LAMA1: variants seen among roughly 807,000 people sequenced by gnomAD.
LAMA1 encodes the protein laminin subunit alpha 1, also known as laminin subunit alpha-1.
A neutral mutation model predicts 348.7 loss-of-function variants in LAMA1; 219 were observed. That is an observed-to-expected ratio of 0.63 (90% CI 0.56 to 0.70). The LOEUF (loss-of-function observed/expected upper bound fraction) is 0.70. Ranked by LOEUF, LAMA1 falls within the 30% of genes least tolerant of loss-of-function variation. The pLI, the probability that LAMA1 is intolerant of heterozygous loss-of-function variation, is 0.00. For synonymous variants in LAMA1, 1,487 were observed against 1,491.0 expected (o/e 1.00, Z 0.06); for missense variants, 3,744 against 3,888.0 (o/e 0.96, Z 0.99).
Position 7,011,447 on chromosome 18 carries a change from A to G in LAMA1, c.3540T>C (p.Arg1180=), listed in dbSNP as rs1307923263. The change falls in exon 25 of 63, where the codon CGT becomes CGC. Residue 1180 remains arginine, a synonymous_variant. Transcript: ENST00000389658. ...VTLGSDQPLL[R]VVSQSNLRGT... ...CCCTCAAGTTACTCTGAGAAACCAC[A>G]CGCAGAAGAGGCTGATCGGAGCCCA... is the stretch of plus-strand genomic sequence containing the variant. 6.2e-7 allele frequency: 1 copy of G among 1,608,498 alleles called. No individual in the cohort carries two copies. The highest frequency in any genetic ancestry group is 1.3e-5 in the African/African-American group (1 of 75,014).
chr18:6,955,114 G>A, intron 57 of LAMA1: 2 of 547,134 alleles, frequency 3.7e-6, no homozygotes, highest in East Asian at 3.3e-5. Flanking sequence ...ACACAGAAAG[G>A]GGAAGCCAGC....
intron 1 of LAMA1, among the ~76,000 whole-genome samples, chr18:7,100,058 CAAA>C (rs3038921): frequency 3.8e-5 from 3 of 79,704 alleles, no homozygotes; most frequent in African/African-American, 1.4e-4. Flanking sequence ...GACTTTGTCT[CAAA>C]AAAAAAAAAA....
At chr18:6,996,167 A>G (rs2057780296) in intron 33 of LAMA1, among the ~76,000 whole-genome samples, 3 of 152,158 alleles carry the variant, frequency 2.0e-5, no homozygotes, top group Non-Finnish European at 4.4e-5. Flanking sequence ...CATTTTTCAA[A>G]AACACTTTGT....
At chr18:6,989,517 G>GT (rs1294333163) in intron 36 of LAMA1, among the ~76,000 whole-genome samples, 2 of 152,166 alleles carry the variant, frequency 1.3e-5, no homozygotes, top group Non-Finnish European at 2.9e-5. Flanking sequence ...AATAATCCAT[G>GT]TATTTTGAAA....
At chr18:7,085,025 T>C (rs559061388) in intron 1 of LAMA1, among the ~76,000 whole-genome samples, 1 of 152,156 alleles carries the variant, frequency 6.6e-6, no homozygotes, top group East Asian at 1.9e-4. Context: ...AGGTTTTTTT[T>C]CCATTTTGGA....
In LAMA1 at chr18:6,975,039, G is replaced by T. The variant is rs771017428; in HGVS notation, c.6490-3C>A. 12 of 1,613,166 alleles carry T rather than the reference G, an allele frequency of 7.4e-6. No individual in the cohort carries two copies. Among genetic ancestry groups the T allele is most frequent in the South Asian group, 1.1e-5 (1 of 90,980 alleles). ...ATCTCCACTGCAAGGAAATCAGACT[G>T]GGGGGCGAGGAATGAACGGGGATCA... On this transcript the variant is annotated splice_region_variant and splice_polypyrimidine_tract_variant and intron_variant, in intron 45 of 62. Coordinates refer to ENST00000389658, the MANE Select transcript of LAMA1 (RefSeq NM_005559.4).
intron 9 of LAMA1, among the ~76,000 whole-genome samples, chr18:7,041,095 C>G (rs1246508512): frequency 1.3e-5 from 2 of 151,554 alleles, no homozygotes; most frequent in Non-Finnish European, 2.9e-5. Context: ...TACACCAAAA[C>G]AATGAATTGT....
intron 1 of LAMA1, among the ~76,000 whole-genome samples, chr18:7,114,089 A>G (rs2058346445): frequency 6.6e-6 from 1 of 151,916 alleles, no homozygotes; most frequent in Non-Finnish European, 1.5e-5. Context: ...AAAAAAAAAA[A>G]AAAGAAAAAA....
At chr18:7,026,950 C>T (rs191435416) in intron 16 of LAMA1, among the ~76,000 whole-genome samples, 17 of 149,690 alleles carry the variant, frequency 1.1e-4, no homozygotes, top group Middle Eastern at 3.5e-3. Flanking sequence ...GCTGAGATGG[C>T]GCCACTGCCT....
intron 54 of LAMA1, 137 bp from the exon 55 acceptor site, chr18:6,958,799 T>C (rs938178079): frequency 2.4e-5 from 17 of 714,644 alleles, no homozygotes; most frequent in Non-Finnish European, 3.7e-5. Flanking sequence ...AGACACTGTC[T>C]GTGACCAAAA....
chr18:6,942,053 T>A lies in LAMA1; in HGVS notation c.*26A>T, dbSNP rs1413918471. The A allele has an allele frequency of 6.2e-7, 1 of 1,613,608 alleles. No homozygotes were observed. Among genetic ancestry groups the A allele is most frequent in the Non-Finnish European group, 8.5e-7 (1 of 1,179,644 alleles). Reference sequence around the variant, plus strand: ...CTTCTCCTCAAAATATTAGCAATGATTCCAACTGAGGATTCTGCTTGAAGT... The same window carrying A: ...CTTCTCCTCAAAATATTAGCAATGAATCCAACTGAGGATTCTGCTTGAAGT... On this transcript the variant is annotated 3_prime_UTR_variant, in exon 63 of 63. Coordinates refer to ENST00000389658, the MANE Select transcript of LAMA1 (RefSeq NM_005559.4).
intron 6 of LAMA1, 100 bp downstream of exon 6, chr18:7,046,178 T>C (rs549517230): frequency 3.9e-6 from 3 of 773,864 alleles, no homozygotes; most frequent in East Asian, 2.6e-5. Context: ...CATAATTTTA[T>C]ACCTTTCATG....
chr18:7,043,105 C>A, intron 8 of LAMA1, 122 bp downstream of exon 8: 3 of 905,326 alleles, frequency 3.3e-6, no homozygotes, highest in Non-Finnish European at 5.4e-6. Flanking sequence ...ACACTACTGG[C>A]ATAACAAGGA....
intron 29 of LAMA1, among the ~76,000 whole-genome samples, chr18:7,002,731 G>A (rs1400599958): frequency 6.6e-6 from 1 of 152,094 alleles, no homozygotes; most frequent in Non-Finnish European, 1.5e-5. Context: ...CACCAGTTTT[G>A]CACACAGTCA....
chr18:7,028,971 T>C (rs1275500279), intron 16 of LAMA1, among the ~76,000 whole-genome samples: 1 of 152,232 alleles, frequency 6.6e-6, no homozygotes, highest in African/African-American at 2.4e-5. Context: ...TCATTGGTCA[T>C]TTTTCATCTA....
At position 7,048,452 on chromosome 18, in the gene LAMA1, C is replaced by T. The variant is rs573199078; in HGVS notation, c.768+626G>A. Among the ~76,000 whole-genome samples, 46 of 152,254 alleles carry T rather than the reference C, an allele frequency of 3.0e-4. 1 individual carries two copies. In the South Asian group the frequency reaches 9.4e-3, roughly 31 times the overall value. ...TTTTAAATAGAGTTGAGGTCTCACTCTATTGCCCAGGCTGGTCCCAAACTC... is the reference window on the plus strand; with the variant it reads ...TTTTAAATAGAGTTGAGGTCTCACTTTATTGCCCAGGCTGGTCCCAAACTC... On this transcript the variant is annotated intron_variant, in intron 5 of 62. Transcript: ENST00000389658.
At chr18:6,994,180 T>C (rs932433205) in intron 34 of LAMA1, among the ~76,000 whole-genome samples, 2 of 75,436 alleles carry the variant, frequency 2.7e-5, no homozygotes. Context: ...ATTTTAGACC[T>C]GATTCTCCAG....
chr18:7,073,682 T>C (rs1361182284), intron 3 of LAMA1, among the ~76,000 whole-genome samples: 1 of 152,198 alleles, frequency 6.6e-6, no homozygotes, highest in Non-Finnish European at 1.5e-5. Context: ...TCTGGGTTGC[T>C]TCCACCTCCT....
At chr18:6,966,623 C>T (rs1427296871) in intron 48 of LAMA1, among the ~76,000 whole-genome samples, 2 of 152,110 alleles carry the variant, frequency 1.3e-5, no homozygotes, top group African/African-American at 4.8e-5. Context: ...ATATAACTGT[C>T]CTCTCTTAAC....
Sources: allele counts gnomAD v4.1 joint callset (sites outside exome capture counted in the v4.1 genomes callset), GRCh38; gene constraint gnomAD v4.1.1; transcripts MANE v1.5; gene names NCBI Gene and HGNC (gene_info 2026-07-23, HGNC 2026-07-21).